HLF: variants seen among roughly 807,000 people sequenced by gnomAD.
The protein encoded by HLF is hepatic leukemia factor.
A neutral mutation model predicts 22.6 loss-of-function variants in HLF; 3 were observed. The observed-to-expected ratio is 0.13, with a 90% CI of 0.06 to 0.34. The LOEUF is 0.34. Ranked by LOEUF, HLF falls within the 10% of genes least tolerant of loss-of-function variation. The pLI is 1.00. For missense variants in HLF, 299 were observed against 389.2 expected, an observed-to-expected ratio of 0.77 and a Z score of 1.95; for synonymous variants, 151 against 151.8, an observed-to-expected ratio of 0.99 and a Z score of 0.04.
chr17:55,267,989 G>T lies in HLF; in HGVS notation c.354G>T (p.Ser118=), dbSNP rs376843983. The T allele has an allele frequency of 5.6e-6, 9 of 1,613,772 alleles. No individual in the cohort carries two copies. The highest frequency in any genetic ancestry group is 7.6e-6 in the Non-Finnish European group (9 of 1,179,928). The change falls in exon 2 of 4, where the codon TCG becomes TCT. Residue 118 remains serine, a synonymous_variant. Transcript: ENST00000226067. ...CTCCTGGGCTGCAGCCAGCTTCCTC[G>T]GCTGCCCCCTCGGTCATGGACCTCA... ...PHPPGLQPAS[S]AAPSVMDLSS... is the part of the protein sequence containing the mutation.
chr17:55,314,303 GTTCT>G (rs1295427935), intron 2 of HLF, among the ~76,000 whole-genome samples: 5 of 152,154 alleles, frequency 3.3e-5, no homozygotes, highest in Non-Finnish European at 7.3e-5. Context: ...TCTCTATTAT[GTTCT>G]TTCTAATTTG....
intron 2 of HLF, among the ~76,000 whole-genome samples, chr17:55,291,999 T>C (rs2081067516): frequency 6.6e-6 from 1 of 152,222 alleles, no homozygotes; most frequent in Non-Finnish European, 1.5e-5. Flanking sequence ...ACTGAATTGC[T>C]GCAATCTCAT....
chr17:55,308,217 A>G (rs1904671524), intron 2 of HLF, among the ~76,000 whole-genome samples: 1 of 152,174 alleles, frequency 6.6e-6, no homozygotes, highest in East Asian at 1.9e-4. Flanking sequence ...GAAAAGGGAT[A>G]ATGGTTAAAA....
rs936863344 is a variant in HLF, at chr17:55,321,047, G to T, written c.*168G>T. ...TGTGTGTGTGCGTGTATATGTGCTT[G>T]TGCTCATGTGTGTGGTCAGCGGTAT... On this transcript the variant is annotated 3_prime_UTR_variant, in exon 4 of 4. Transcript: ENST00000226067. 11 of 606,238 alleles carry T rather than the reference G, an allele frequency of 1.8e-5. No homozygotes were observed. The highest frequency in any genetic ancestry group is 4.4e-4 in the Middle Eastern group (1 of 2,252). 37.6% of individuals were successfully genotyped at this position (606,238 alleles called of 1,614,324 possible). A position where few individuals can be genotyped will look rare whatever the true frequency, so the allele number is the denominator to read the frequency against.
chr17:55,294,907 A>G (rs556824677), intron 2 of HLF, among the ~76,000 whole-genome samples: 6 of 152,350 alleles, frequency 3.9e-5, no homozygotes, highest in Admixed American at 1.3e-4. Flanking sequence ...CATCTGTTAT[A>G]TCGGTGATTT....
intron 2 of HLF, 68 bp from the exon 3 acceptor site, chr17:55,315,159 A>G: frequency 8.7e-7 from 1 of 1,148,992 alleles, no homozygotes; most frequent in South Asian, 1.2e-5. Flanking sequence ...ATCTCAGAGC[A>G]CCATTAAGTA....
At position 55,324,343 on chromosome 17, in the gene HLF, G is replaced by A. The variant is rs557141778; in HGVS notation, c.*3464G>A. 6.1e-5 allele frequency: 14 copies of A among 229,324 alleles called. No individual in the cohort carries two copies. Among genetic ancestry groups the A allele is most frequent in the South Asian group, 1.8e-4 (1 of 5,498 alleles). The allele number at this position is 229,324 out of a possible 1,614,324, so 14.2% of individuals were successfully genotyped here. On this transcript the variant is annotated 3_prime_UTR_variant, in exon 4 of 4. Transcript: ENST00000226067. ...AATCAGATGTCTAGGGTCTGTTTTC[G>A]GAAGAAGCAAGAATTATCAGTGGCA...
chr17:55,303,134 AG>A (rs1479938713), intron 2 of HLF, among the ~76,000 whole-genome samples: 2 of 152,178 alleles, frequency 1.3e-5, no homozygotes, highest in African/African-American at 4.8e-5. Flanking sequence ...ACACCATAGC[AG>A]GGATATGAGA....
chr17:55,284,599 G>A (rs867956), intron 2 of HLF, among the ~76,000 whole-genome samples: 2,565 of 152,232 alleles, frequency 0.017, 61 homozygotes, highest in African/African-American at 0.059. Context: ...GGAAGCCTGG[G>A]CACTGGGCGA....
intron 2 of HLF, among the ~76,000 whole-genome samples, chr17:55,296,121 C>G (rs991259545): frequency 6.6e-6 from 1 of 152,050 alleles, no homozygotes; most frequent in African/African-American, 2.4e-5. Flanking sequence ...CGGAGCACCA[C>G]CTTCTGGGGA....
At chr17:55,300,746 G>T (rs1468604992) in intron 2 of HLF, among the ~76,000 whole-genome samples, 1 of 152,192 alleles carries the variant, frequency 6.6e-6, no homozygotes, top group Non-Finnish European at 1.5e-5. Context: ...ATGTAGGTGA[G>T]CTCTTACCAT....
chr17:55,278,481 A>C (rs1039913122), intron 2 of HLF, among the ~76,000 whole-genome samples: 1 of 152,172 alleles, frequency 6.6e-6, no homozygotes, highest in Non-Finnish European at 1.5e-5. Flanking sequence ...ACTTAATGGA[A>C]AGAGTTAAGC....
In HLF at chr17:55,310,229, CA is replaced by C. The variant is rs968679159; in HGVS notation, c.452-4990del. Among the ~76,000 whole-genome samples the C allele has an allele frequency of 4.0e-5, 6 of 151,504 alleles. No homozygotes were observed. In the East Asian group the frequency reaches 1.2e-3, roughly 29 times the overall value. ...AGCAAGAAGCTTTTAGAAAGAAAAACAAAAAAAACGAAAAACAATGTTCCAG... is the reference window on the plus strand; with the variant it reads ...AGCAAGAAGCTTTTAGAAAGAAAAACAAAAAAACGAAAAACAATGTTCCAG... On this transcript the variant is annotated intron_variant, in intron 2 of 3. Coordinates refer to ENST00000226067, the MANE Select transcript of HLF (RefSeq NM_002126.5).
intron 2 of HLF, among the ~76,000 whole-genome samples, chr17:55,284,816 A>G (rs916865856): frequency 6.6e-6 from 1 of 152,194 alleles, no homozygotes; most frequent in Non-Finnish European, 1.5e-5. Flanking sequence ...AGTTGACCAC[A>G]GGGCACAGTG....
In HLF at chr17:55,321,571, CAG is replaced by C. The variant is rs1414912299; in HGVS notation, c.*695_*696del. On this transcript the variant is annotated 3_prime_UTR_variant, in exon 4 of 4. Coordinates refer to ENST00000226067, the MANE Select transcript of HLF (RefSeq NM_002126.5). ...AAGTAAGAGTACTATTAATAGAACACAGAGTGTGTTTTTGCACTGTCTGTACC... is the reference window on the plus strand; with the variant it reads ...AAGTAAGAGTACTATTAATAGAACACAGTGTGTTTTTGCACTGTCTGTACC... 2 of 228,876 alleles carry C rather than the reference CAG, an allele frequency of 8.7e-6. No homozygotes were observed. The highest frequency in any genetic ancestry group is 2.2e-5 in the African/African-American group (1 of 45,120). The allele number at this position is 228,876 out of a possible 1,614,324, so 14.2% of individuals were successfully genotyped here.
At chr17:55,298,896 G>A (rs1453532229) in intron 2 of HLF, among the ~76,000 whole-genome samples, 3 of 152,236 alleles carry the variant, frequency 2.0e-5, no homozygotes, top group African/African-American at 7.2e-5. Flanking sequence ...CTCAATGAAT[G>A]TTAATTCAGA....
chr17:55,307,345 T>A (rs980881888), intron 2 of HLF, among the ~76,000 whole-genome samples: 7 of 150,732 alleles, frequency 4.6e-5, no homozygotes, highest in Non-Finnish European at 7.4e-5. Context: ...TATTATTATT[T>A]TTTAATAGAG....
intron 2 of HLF, chr17:55,271,476 G>A (rs2080857210): frequency 6.6e-6 from 1 of 152,172 alleles, no homozygotes; most frequent in East Asian, 1.9e-4. Context: ...CCCCAAGGAT[G>A]TCTTGGAATG....
In HLF at chr17:55,324,172, A is replaced by G. The variant is rs566532919; in HGVS notation, c.*3293A>G. ...AAATACAACAGGCCTCCACTGACCC[A>G]TCCCTCAAAGCAGAAGGACCCTTTG... On this transcript the variant is annotated 3_prime_UTR_variant, in exon 4 of 4. Transcript: ENST00000226067. 4 of 225,252 alleles carry G rather than the reference A, an allele frequency of 1.8e-5. No homozygotes were observed. Among genetic ancestry groups the G allele is most frequent in the African/African-American group, 8.9e-5 (4 of 45,030 alleles). The allele number at this position is 225,252 out of a possible 1,614,324, so 14.0% of individuals were successfully genotyped here. A position where few individuals can be genotyped will look rare whatever the true frequency, so the allele number is the denominator to read the frequency against.
Sources: allele counts gnomAD v4.1 joint callset (sites outside exome capture counted in the v4.1 genomes callset), GRCh38; gene constraint gnomAD v4.1.1; transcripts MANE v1.5; gene names NCBI Gene and HGNC (gene_info 2026-07-23, HGNC 2026-07-21).